The following NCR1 variants were observed in gnomAD, a reference collection of about 807,000 sequenced individuals.
The protein encoded by NCR1 is NK cell-activating receptor.
In NCR1, 30 loss-of-function variants were observed where a neutral mutation model predicts 32.5. That is an observed-to-expected ratio of 0.92 (90% CI 0.69 to 1.25). The LOEUF is 1.25. NCR1 is among the 50% of genes most tolerant of loss of function. The probability of loss-of-function intolerance (pLI) is 0.00; values close to 1 mark genes in which losing one functional copy is unlikely to be tolerated. For synonymous variants in NCR1, 169 were observed against 143.4 expected (o/e 1.18, Z -1.28); for missense variants, 369 against 380.7 (o/e 0.97, Z 0.26).
the NCR1 span, chr19:54,933,599 C>T: frequency 1.2e-6 from 2 of 1,614,206 alleles, no homozygotes; most frequent in South Asian, 1.1e-5. Context: ...ATCAGGGTAA[C>T]TCAAGCCCTC....
At chr19:54,928,460 G>T in the NCR1 span, among the ~76,000 whole-genome samples, 1 of 152,100 alleles carries the variant, frequency 6.6e-6, no homozygotes, top group African/African-American at 2.4e-5. Context: ...AAAGGCAGAG[G>T]GGAGTGAGCA....
chr19:54,913,116 G>T, downstream of NCR1: 1 of 354,540 alleles, frequency 2.8e-6, no homozygotes, highest in Non-Finnish European at 5.2e-6. Context: ...GCAATGGCGC[G>T]ATCTTGGCTC....
downstream of NCR1, among the ~76,000 whole-genome samples, chr19:54,921,127 T>C (rs2068236550): frequency 6.6e-6 from 1 of 152,210 alleles, no homozygotes; most frequent in Non-Finnish European, 1.5e-5. Context: ...CTACTATCTT[T>C]GTGTCTTTAT....
chr19:54,936,801 G>C, the NCR1 span, among the ~76,000 whole-genome samples: 1 of 152,138 alleles, frequency 6.6e-6, no homozygotes, highest in African/African-American at 2.4e-5. Flanking sequence ...TGTAGTCCCA[G>C]GTATTCGGGA....
intron 2 of NCR1, 72 bp from the exon 3 acceptor site, chr19:54,906,451 C>T: frequency 1.9e-6 from 3 of 1,600,126 alleles, no homozygotes; most frequent in Non-Finnish European, 2.5e-6. Context: ...AGCTTGGGGC[C>T]AGCAGCTGGG....
the NCR1 span, among the ~76,000 whole-genome samples, chr19:54,900,609 C>G: frequency 6.6e-6 from 1 of 152,206 alleles, no homozygotes; most frequent in African/African-American, 2.4e-5. Flanking sequence ...TCTGGATCAC[C>G]TGACCTGGTG....
chr19:54,906,101 C>T, upstream of NCR1: 1 of 1,539,848 alleles, frequency 6.5e-7, no homozygotes, highest in Non-Finnish European at 9.0e-7. Context: ...GGCGCTGGTG[C>T]TCACCCACCA....
the NCR1 span, among the ~76,000 whole-genome samples, chr19:54,923,047 C>G: frequency 1.3e-5 from 2 of 152,106 alleles, no homozygotes; most frequent in African/African-American, 4.8e-5. Flanking sequence ...CAGCGTGAGG[C>G]AGGGCCATCT....
upstream of NCR1, among the ~76,000 whole-genome samples, chr19:54,905,800 A>G (rs1369427672): frequency 6.6e-6 from 1 of 152,190 alleles, no homozygotes; most frequent in African/African-American, 2.4e-5. Context: ...TTCCTGTTCC[A>G]GTATCTCACT....
chr19:54,907,926 G>A (rs2067717766), intron 3 of NCR1, among the ~76,000 whole-genome samples: 1 of 151,686 alleles, frequency 6.6e-6, no homozygotes, highest in South Asian at 2.1e-4. Flanking sequence ...ATTTGCTCAG[G>A]GTCTTTGGAC....
At chr19:54,930,377 G>A in the NCR1 span, 4 of 718,718 alleles carry the variant, frequency 5.6e-6, no homozygotes, top group Admixed American at 2.1e-5. Context: ...TGGGAGAACC[G>A]ATCAAGCCTG....
At chr19:54,903,364 ATG>A (rs1200711703), upstream of NCR1, among the ~76,000 whole-genome samples, 9 of 134,442 alleles carry the variant, frequency 6.7e-5, 1 homozygote, top group East Asian at 2.1e-4. Context: ...ATATACATAC[ATG>A]TATATATACA....
downstream of NCR1, among the ~76,000 whole-genome samples, chr19:54,917,932 G>A (rs765284067): frequency 8.6e-5 from 13 of 151,926 alleles, no homozygotes; most frequent in Non-Finnish European, 1.8e-4. Context: ...CGTAAGACGT[G>A]GCTATTTTTC....
upstream of NCR1, among the ~76,000 whole-genome samples, chr19:54,902,805 G>A (rs587711311): frequency 6.6e-6 from 1 of 151,902 alleles, no homozygotes; most frequent in Admixed American, 6.6e-5. Flanking sequence ...AAGGGGAAAC[G>A]CCAGCACCGA....
Position 54,906,809 on chromosome 19 carries a change from T to G in NCR1, c.355+2T>G, listed in dbSNP as rs767137599. On this transcript the variant is annotated splice_donor_variant, in intron 3 of 6. Transcript: ENST00000291890. LOFTEE classifies it high-confidence loss of function. ...ACTTGCTGGATCTGGTGGTAACAGGTAACTGTCCGGTTCTCTAACTGGAGA... is the reference window on the plus strand; with the variant it reads ...ACTTGCTGGATCTGGTGGTAACAGGGAACTGTCCGGTTCTCTAACTGGAGA... 6.2e-7 allele frequency: 1 copy of G among 1,613,822 alleles called. No homozygotes were observed. The highest frequency in any genetic ancestry group is 2.2e-5 in the East Asian group (1 of 44,830).
At chr19:54,906,873 G>A in intron 3 of NCR1, 66 bp downstream of exon 3, 1 of 1,564,834 alleles carries the variant, frequency 6.4e-7, no homozygotes, top group Non-Finnish European at 8.7e-7. Context: ...CATCATCTAT[G>A]AACTCTTCCA....
chr19:54,920,251 AT>A, downstream of NCR1, among the ~76,000 whole-genome samples: 1 of 151,940 alleles, frequency 6.6e-6, no homozygotes, highest in South Asian at 2.1e-4. Flanking sequence ...ACTGGGGGTG[AT>A]TTTGTCCCCA....
chr19:54,937,295 A>C, the NCR1 span, among the ~76,000 whole-genome samples: 1 of 151,992 alleles, frequency 6.6e-6, no homozygotes, highest in South Asian at 2.1e-4. Context: ...TGGGTGACAA[A>C]ATAATCTGTA....
the NCR1 span, among the ~76,000 whole-genome samples, chr19:54,928,734 A>G: frequency 6.6e-6 from 1 of 152,200 alleles, no homozygotes; most frequent in Admixed American, 6.6e-5. Flanking sequence ...GTGAGAAAGT[A>G]GAATGATTTA....
Sources: gnomAD v4.1 joint callset for allele counts (sites outside exome capture counted in the v4.1 genomes callset) on GRCh38, gnomAD v4.1.1 for gene constraint, MANE v1.5 for transcripts, NCBI Gene and HGNC (gene_info 2026-07-23, HGNC 2026-07-21) for gene names.